The following POLR3B variants were observed in gnomAD, a reference collection of about 807,000 sequenced individuals.
POLR3B encodes DNA-directed RNA polymerase III subunit RPC2.
In POLR3B, 96 loss-of-function variants were observed where a neutral mutation model predicts 147.4. The ratio of observed to expected loss-of-function variants is 0.65; its 90% CI spans 0.55 to 0.77. The LOEUF (loss-of-function observed/expected upper bound fraction) is 0.77, where lower values mean the gene tolerates loss of function less well. Ranked by LOEUF, POLR3B falls within the 30% of genes least tolerant of loss-of-function variation. The probability of loss-of-function intolerance (pLI) is 0.00; values close to 1 mark genes in which losing one functional copy is unlikely to be tolerated. For missense variants in POLR3B, 1,036 were observed against 1,413.5 expected, an observed-to-expected ratio of 0.73 and a Z score of 4.28; for synonymous variants, 461 against 485.9, an observed-to-expected ratio of 0.95 and a Z score of 0.67.
Position 106,409,163 on chromosome 12 carries a change from G to C in POLR3B, c.967-1663G>C, listed in dbSNP as rs528587150. On this transcript the variant is annotated intron_variant, in intron 11 of 27. Coordinates refer to ENST00000228347, the MANE Select transcript of POLR3B (RefSeq NM_018082.6). Reference sequence around the variant, plus strand: ...AAGAAAGATAACTACAACTAGAAGAGTTAGATGTTCCATGTAACTTGCCAC... The same window carrying C: ...AAGAAAGATAACTACAACTAGAAGACTTAGATGTTCCATGTAACTTGCCAC... Among the ~76,000 whole-genome samples the C allele has an allele frequency of 8.9e-4, 136 of 152,192 alleles. 1 individual carries two copies. The highest frequency in any genetic ancestry group is 3.1e-3 in the African/African-American group (129 of 41,512).
intron 4 of POLR3B, 132 bp from the exon 5 acceptor site, chr12:106,369,143 T>C: frequency 1.4e-6 from 1 of 724,226 alleles, no homozygotes; most frequent in Non-Finnish European, 2.5e-6. Context: ...CCAATTTTAA[T>C]ATTTAATTTG....
chr12:106,392,812 T>C (rs957301463), intron 9 of POLR3B, among the ~76,000 whole-genome samples: 4 of 152,224 alleles, frequency 2.6e-5, no homozygotes, highest in African/African-American at 9.6e-5. Flanking sequence ...ATGCAAAAAA[T>C]GTTTGAGAAT....
intron 12 of POLR3B, among the ~76,000 whole-genome samples, chr12:106,414,749 A>T (rs944573938): frequency 6.6e-6 from 1 of 152,206 alleles, no homozygotes; most frequent in African/African-American, 2.4e-5. Context: ...TCATTTTCAC[A>T]GTAGACTTGA....
intron 12 of POLR3B, among the ~76,000 whole-genome samples, chr12:106,417,158 C>T (rs2037315334): frequency 6.6e-6 from 1 of 152,180 alleles, no homozygotes; most frequent in Non-Finnish European, 1.5e-5. Flanking sequence ...ATATTCATCT[C>T]GTTATTTCCA....
chr12:106,421,517 G>A (rs1199554342), intron 12 of POLR3B, among the ~76,000 whole-genome samples: 3 of 152,048 alleles, frequency 2.0e-5, no homozygotes, highest in African/African-American at 7.2e-5. Context: ...TATTACTAAT[G>A]AGGTTGAGCC....
At chr12:106,413,092 C>A (rs957932987) in intron 12 of POLR3B, among the ~76,000 whole-genome samples, 4 of 151,908 alleles carry the variant, frequency 2.6e-5, no homozygotes, top group Non-Finnish European at 5.9e-5. Flanking sequence ...TGTTTTTTCA[C>A]TTTTTTGACA....
In POLR3B at chr12:106,496,051, C is replaced by T; in HGVS notation, c.2714-4C>T. On this transcript the variant is annotated splice_polypyrimidine_tract_variant and splice_region_variant and intron_variant, in intron 23 of 27. Transcript: ENST00000228347. ...TATGTGGCATGAAATCTTCTCTCCC[C>T]CAGGTGTTTGTGGCTTGATCGTCCC... 1.3e-6 allele frequency: 2 copies of T among 1,575,514 alleles called. No homozygotes were observed. The highest frequency in any genetic ancestry group is 1.7e-6 in the Non-Finnish European group (2 of 1,144,958).
intron 10 of POLR3B, among the ~76,000 whole-genome samples, chr12:106,397,498 A>G (rs1378596682): frequency 1.3e-5 from 2 of 152,156 alleles, no homozygotes; most frequent in South Asian, 2.1e-4. Flanking sequence ...AACTTTATAT[A>G]TGGAATTAGG....
chr12:106,363,727 C>T, intron 1 of POLR3B, 143 bp from the exon 2 acceptor site: 1 of 716,894 alleles, frequency 1.4e-6, no homozygotes, highest in Non-Finnish European at 2.5e-6. Flanking sequence ...CATATGCACA[C>T]ATGTGATTTC....
chr12:106,411,541 T>C (rs1280648891), intron 12 of POLR3B, among the ~76,000 whole-genome samples: 1 of 152,244 alleles, frequency 6.6e-6, no homozygotes, highest in Non-Finnish European at 1.5e-5. Flanking sequence ...AGTAATATCA[T>C]TTATTCAGTT....
At chr12:106,422,686 A>G (rs2037387340) in intron 12 of POLR3B, among the ~76,000 whole-genome samples, 1 of 152,128 alleles carries the variant, frequency 6.6e-6, no homozygotes, top group Non-Finnish European at 1.5e-5. Context: ...GTTTTATTGT[A>G]TGTGCAGATC....
At chr12:106,431,524 C>T (rs569833359) in intron 14 of POLR3B, among the ~76,000 whole-genome samples, 50 of 152,100 alleles carry the variant, frequency 3.3e-4, no homozygotes, top group African/African-American at 1.1e-3. Flanking sequence ...AGAACTGTAC[C>T]GGGTTGCATA....
intron 12 of POLR3B, among the ~76,000 whole-genome samples, chr12:106,424,380 A>AT (rs2136950993): frequency 6.6e-6 from 1 of 152,184 alleles, no homozygotes; most frequent in Non-Finnish European, 1.5e-5. Context: ...TGGGTCCCTG[A>AT]TTCATCCATT....
chr12:106,463,507 A>G lies in POLR3B; in HGVS notation c.2600A>G (p.Glu867Gly). Residue 867 changes from glutamate (E) to glycine (G), a missense_variant, in exon 23 of 28, where the codon GAA becomes GGA. This residue lies in a region of POLR3B where 202 missense variants were observed against 272.8 expected (regional missense o/e 0.74). Coordinates refer to ENST00000228347, the MANE Select transcript of POLR3B (RefSeq NM_018082.6). ...TYKGATDSYI[E>G]KVMISSNAED... ...AAAGGAGCAACAGACTCATATATTG[A>G]AAAAGTGATGATATCTTCAAATGCT... 6.2e-7 allele frequency: 1 copy of G among 1,613,370 alleles called. No individual in the cohort carries two copies. The highest frequency in any genetic ancestry group is 1.1e-5 in the South Asian group (1 of 91,058).
intron 25 of POLR3B, among the ~76,000 whole-genome samples, chr12:106,498,032 C>T (rs1256600522): frequency 6.6e-6 from 1 of 152,168 alleles, no homozygotes; most frequent in Non-Finnish European, 1.5e-5. Flanking sequence ...ACAGCAGGCA[C>T]TCCATAAACA....
At chr12:106,469,921 A>C (rs2038065889) in intron 23 of POLR3B, among the ~76,000 whole-genome samples, 1 of 152,132 alleles carries the variant, frequency 6.6e-6, no homozygotes, top group African/African-American at 2.4e-5. Flanking sequence ...TCTGACAATT[A>C]CATGTCTCGA....
At chr12:106,390,273 C>CT (rs562263850) in intron 9 of POLR3B, among the ~76,000 whole-genome samples, 1 of 90,334 alleles carries the variant, frequency 1.1e-5, no homozygotes, top group Non-Finnish European at 2.2e-5. Context: ...TCTCCCCCCC[C>CT]AGTTTTTTTT....
At chr12:106,465,275 ATTC>A (rs1320153384) in intron 23 of POLR3B, among the ~76,000 whole-genome samples, 2 of 152,150 alleles carry the variant, frequency 1.3e-5, no homozygotes, top group African/African-American at 4.8e-5. Context: ...CAAAGTTGAT[ATTC>A]TTCTTGTAAA....
intron 22 of POLR3B, among the ~76,000 whole-genome samples, chr12:106,460,514 G>A (rs2037919251): frequency 6.6e-6 from 1 of 152,180 alleles, no homozygotes; most frequent in African/African-American, 2.4e-5. Flanking sequence ...ACCCAGCAAA[G>A]CATTGTGGGT....
Sources: allele counts gnomAD v4.1 joint callset (sites outside exome capture counted in the v4.1 genomes callset), GRCh38; gene constraint gnomAD v4.1.1; regional missense constraint gnomAD v4.1.1; transcripts MANE v1.5; gene names NCBI Gene and HGNC (gene_info 2026-07-23, HGNC 2026-07-21).